The following LPP variants were observed in gnomAD, a reference collection of about 807,000 sequenced individuals.
The protein encoded by LPP is LIM domain containing preferred translocation partner in lipoma, also known as lipoma-preferred partner.
Under a neutral mutation model 60.4 loss-of-function variants are expected in LPP, and 38 were observed. The observed-to-expected ratio is 0.63, with a 90% CI of 0.49 to 0.83. LPP has a LOEUF of 0.83. Among genes scored for constraint, LPP ranks in the 40% least tolerant of loss-of-function variants. The probability of loss-of-function intolerance (pLI) is 0.00; values close to 1 mark genes in which losing one functional copy is unlikely to be tolerated. For synonymous variants in LPP, 328 were observed against 290.8 expected (o/e 1.13, Z -1.30); for missense variants, 902 against 783.6 (o/e 1.15, Z -1.80).
At chr3:188,275,314 G>T (rs1235795080) in intron 2 of LPP, among the ~76,000 whole-genome samples, 1 of 152,130 alleles carries the variant, frequency 6.6e-6, no homozygotes, top group African/African-American at 2.4e-5. Flanking sequence ...TCTAATTCAA[G>T]TTTGGTGAAT....
At chr3:188,774,682 C>T (rs954275323) in intron 9 of LPP, among the ~76,000 whole-genome samples, 11 of 152,186 alleles carry the variant, frequency 7.2e-5, no homozygotes, top group African/African-American at 2.4e-4. Flanking sequence ...GGTGTTAGCA[C>T]TGTAGGATTC....
At chr3:188,645,907 A>C (rs1851026679) in intron 7 of LPP, among the ~76,000 whole-genome samples, 1 of 151,822 alleles carries the variant, frequency 6.6e-6, no homozygotes, top group Non-Finnish European at 1.5e-5. Context: ...GTTTATAATC[A>C]TTAGGTAAAA....
At chr3:188,872,526 C>T in intron 10 of LPP, 117 bp from the exon 11 acceptor site, 1 of 1,120,902 alleles carries the variant, frequency 8.9e-7, no homozygotes, top group Non-Finnish European at 1.3e-6. Context: ...ACTCCCTCAC[C>T]TTACGGATGA....
chr3:188,520,201 C>T (rs1237670203), intron 5 of LPP, among the ~76,000 whole-genome samples: 1 of 152,182 alleles, frequency 6.6e-6, no homozygotes, highest in East Asian at 1.9e-4. Flanking sequence ...ATAAAAATAA[C>T]ATGTTCGAAT....
intron 6 of LPP, among the ~76,000 whole-genome samples, chr3:188,534,685 T>C (rs1166732002): frequency 2.6e-5 from 4 of 152,224 alleles, no homozygotes; most frequent in African/African-American, 9.6e-5. Context: ...GAAAAAGCCG[T>C]GTCTCAGATA....
chr3:188,248,693 A>AT (rs770533768), intron 2 of LPP, among the ~76,000 whole-genome samples: 4 of 151,336 alleles, frequency 2.6e-5, no homozygotes, highest in Non-Finnish European at 5.9e-5. Context: ...TGATTCATTA[A>AT]TTTTTCCTTC....
At chr3:188,650,795 G>A (rs1171302005) in intron 7 of LPP, among the ~76,000 whole-genome samples, 1 of 152,158 alleles carries the variant, frequency 6.6e-6, no homozygotes, top group African/African-American at 2.4e-5. Flanking sequence ...TAATTCATAG[G>A]CAAAATCCAG....
chr3:188,232,810 A>C (rs1328065093), intron 2 of LPP, among the ~76,000 whole-genome samples: 1 of 151,620 alleles, frequency 6.6e-6, no homozygotes, highest in African/African-American at 2.4e-5. Flanking sequence ...TACCTAGTTC[A>C]CTTAGTTTTT....
At chr3:188,564,569 C>G (rs943168882) in intron 6 of LPP, among the ~76,000 whole-genome samples, 1 of 151,896 alleles carries the variant, frequency 6.6e-6, no homozygotes, top group Non-Finnish European at 1.5e-5. Context: ...GAAATCGTTT[C>G]TTGGGTCTGT....
At position 188,351,959 on chromosome 3, in the gene LPP, G is replaced by A. The variant is rs930698902; in HGVS notation, c.-10+10240G>A. Among the ~76,000 whole-genome samples, 17 of 152,312 alleles carry A rather than the reference G, an allele frequency of 1.1e-4. No homozygotes were observed. The South Asian group carries it at 2.9e-3, about 26-fold the overall frequency. On this transcript the variant is annotated intron_variant, in intron 3 of 11. Coordinates refer to ENST00000617246, the MANE Select transcript of LPP (RefSeq NM_001375462.1). ...CAACCTGAGTGCCTCGTTCTTGAGT[G>A]TCTGTAGCATTGGCTTTTACTTGCA...
At chr3:188,595,815 G>T (rs1467603036) in intron 6 of LPP, among the ~76,000 whole-genome samples, 1 of 151,976 alleles carries the variant, frequency 6.6e-6, no homozygotes, top group Non-Finnish European at 1.5e-5. Context: ...TTCACCTATG[G>T]GATTATATAA....
At chr3:188,246,222 G>C (rs1726898068) in intron 2 of LPP, among the ~76,000 whole-genome samples, 1 of 151,216 alleles carries the variant, frequency 6.6e-6, no homozygotes, top group Admixed American at 6.6e-5. Flanking sequence ...TAAATCTCTG[G>C]TACCTGAGAA....
chr3:188,250,760 T>G (rs9755802), intron 2 of LPP, among the ~76,000 whole-genome samples: 3,777 of 119,632 alleles, frequency 0.032, 203 homozygotes, highest in African/African-American at 0.13. Flanking sequence ...CTTTCTTTCT[T>G]TCTTTCTTTC....
chr3:188,720,495 T>A (rs1419579733), intron 8 of LPP, among the ~76,000 whole-genome samples: 1 of 151,822 alleles, frequency 6.6e-6, no homozygotes, highest in Non-Finnish European at 1.5e-5. Flanking sequence ...GGTACAGGCA[T>A]ACATCTTCCT....
chr3:188,476,106 A>G (rs1241171132), intron 4 of LPP, among the ~76,000 whole-genome samples: 1 of 151,958 alleles, frequency 6.6e-6, no homozygotes. Flanking sequence ...CCTACATTTC[A>G]TCATAGCCCT....
intron 4 of LPP, among the ~76,000 whole-genome samples, chr3:188,446,569 C>T (rs1443577749): frequency 6.6e-6 from 1 of 152,122 alleles, no homozygotes; most frequent in Non-Finnish European, 1.5e-5. Context: ...AAACAATCTC[C>T]TTTTCTAAAC....
chr3:188,765,530 C>T (rs1733752747), intron 9 of LPP, among the ~76,000 whole-genome samples: 1 of 152,108 alleles, frequency 6.6e-6, no homozygotes, highest in African/African-American at 2.4e-5. Flanking sequence ...TTGTTGCATG[C>T]TGTCATACCT....
Position 188,522,384 on chromosome 3 carries a change from G to A in LPP, c.307-2281G>A, listed in dbSNP as rs115380858. Among the ~76,000 whole-genome samples, 82 of 152,254 alleles carry A rather than the reference G, an allele frequency of 5.4e-4. No individual in the cohort carries two copies. In the East Asian group the frequency reaches 9.3e-3, roughly 17 times the overall value. On this transcript the variant is annotated intron_variant, in intron 5 of 11. Transcript: ENST00000617246. The stretch of plus-strand genomic sequence containing the variant: ...ATGGACACTGAACCTCTTTGGTTCC[G>A]TTTTTATATCAAATTCTAGAGTATC...
intron 7 of LPP, among the ~76,000 whole-genome samples, chr3:188,703,167 A>G (rs1182040156): frequency 6.6e-6 from 1 of 152,232 alleles, no homozygotes; most frequent in Admixed American, 6.5e-5. Context: ...TATGTTGCTG[A>G]TACAACTCAC....
Sources: allele counts gnomAD v4.1 joint callset (sites outside exome capture counted in the v4.1 genomes callset), GRCh38; gene constraint gnomAD v4.1.1; transcripts MANE v1.5; gene names NCBI Gene and HGNC (gene_info 2026-07-23, HGNC 2026-07-21).